The following MGAT4C variants were observed in gnomAD, a reference collection of about 807,000 sequenced individuals.
The protein encoded by MGAT4C is alpha-1,3-mannosyl-glycoprotein 4-beta-N-acetylglucosaminyltransferase C.
Under a neutral mutation model 40.1 loss-of-function variants are expected in MGAT4C, and 19 were observed. The ratio of observed to expected loss-of-function variants is 0.47; its 90% CI spans 0.33 to 0.70. The LOEUF (loss-of-function observed/expected upper bound fraction) is 0.70. MGAT4C is among the 30% of genes least tolerant of loss of function. The pLI, the probability that MGAT4C is intolerant of heterozygous loss-of-function variation, is 0.02. For synonymous variants in MGAT4C, 181 were observed against 187.1 expected, an observed-to-expected ratio of 0.97 and a Z score of 0.27; for missense variants, 491 against 563.2, an observed-to-expected ratio of 0.87 and a Z score of 1.30.
intron 2 of MGAT4C, among the ~76,000 whole-genome samples, chr12:86,010,617 G>T (rs1253816240): frequency 2.0e-5 from 3 of 152,188 alleles, no homozygotes; most frequent in Non-Finnish European, 4.4e-5. Context: ...GGCGGAGGTT[G>T]CAGTGAGCTG....
intron 2 of MGAT4C, among the ~76,000 whole-genome samples, chr12:86,517,956 G>GT (rs1194150568): frequency 8.5e-5 from 13 of 152,148 alleles, no homozygotes; most frequent in South Asian, 8.3e-4. Context: ...CCGACTTTGT[G>GT]TTTTTTTATG....
intron 1 of MGAT4C, among the ~76,000 whole-genome samples, chr12:86,172,646 G>C (rs1365439767): frequency 1.3e-5 from 2 of 151,982 alleles, no homozygotes; most frequent in African/African-American, 4.8e-5. Flanking sequence ...TTGAATTATG[G>C]TGTTTATTCA....
chr12:86,033,725 C>A (rs1890970216), intron 2 of MGAT4C, among the ~76,000 whole-genome samples: 1 of 149,332 alleles, frequency 6.7e-6, no homozygotes, highest in East Asian at 1.9e-4. Flanking sequence ...TCCTCTCTTT[C>A]AATTACTATG....
chr12:86,314,873 C>T (rs1272739550), intron 4 of MGAT4C, among the ~76,000 whole-genome samples: 1 of 152,026 alleles, frequency 6.6e-6, no homozygotes, highest in East Asian at 1.9e-4. Flanking sequence ...AAAAACATTC[C>T]ATGCTCATAA....
intron 3 of MGAT4C, among the ~76,000 whole-genome samples, chr12:86,344,221 A>T (rs1169941361): frequency 1.3e-5 from 2 of 152,206 alleles, no homozygotes; most frequent in Non-Finnish European, 2.9e-5. Context: ...GTATGGATGG[A>T]CTCAATACAT....
chr12:86,143,050 GA>G (rs1883053765), intron 1 of MGAT4C, among the ~76,000 whole-genome samples: 1 of 152,158 alleles, frequency 6.6e-6, no homozygotes, highest in Admixed American at 6.5e-5. Context: ...GCCAGAAACA[GA>G]ACCCTTACCA....
At chr12:85,982,436 G>T (rs959902471) in intron 4 of MGAT4C, among the ~76,000 whole-genome samples, 4 of 152,138 alleles carry the variant, frequency 2.6e-5, no homozygotes, top group African/African-American at 9.7e-5. Flanking sequence ...TGATACACTT[G>T]CCTTGGCCTC....
chr12:86,640,303 A>G (rs1307966307), intron 2 of MGAT4C, among the ~76,000 whole-genome samples: 1 of 151,830 alleles, frequency 6.6e-6, no homozygotes, highest in African/African-American at 2.4e-5. Context: ...ATAGTTTGCT[A>G]TGGTAATAAG....
chr12:86,814,178 C>T (rs527731783), intron 1 of MGAT4C, among the ~76,000 whole-genome samples: 7 of 151,712 alleles, frequency 4.6e-5, no homozygotes, highest in African/African-American at 1.7e-4. Context: ...GCACTGTTAT[C>T]TCCCATGGCT....
chr12:86,259,397 A>G (rs987326349), upstream of MGAT4C, among the ~76,000 whole-genome samples: 3 of 152,192 alleles, frequency 2.0e-5, no homozygotes, highest in Non-Finnish European at 4.4e-5. Context: ...TACTATACTA[A>G]AATAATATTA....
At chr12:86,397,878 G>A (rs1956288631) in intron 3 of MGAT4C, among the ~76,000 whole-genome samples, 1 of 152,150 alleles carries the variant, frequency 6.6e-6, no homozygotes, top group Non-Finnish European at 1.5e-5. Flanking sequence ...TGAGAGGATG[G>A]CATGAGCCCA....
At chr12:86,149,817 TG>T (rs1446952186) in intron 1 of MGAT4C, among the ~76,000 whole-genome samples, 6 of 152,182 alleles carry the variant, frequency 3.9e-5, no homozygotes, top group Non-Finnish European at 7.3e-5. Context: ...AGAACTACCA[TG>T]GTTCTCAATA....
intron 1 of MGAT4C, among the ~76,000 whole-genome samples, chr12:86,186,098 G>A (rs1888724017): frequency 6.6e-6 from 1 of 152,100 alleles, no homozygotes; most frequent in African/African-American, 2.4e-5. Context: ...GAGAGAGAAG[G>A]ATACAGAAAG....
intron 1 of MGAT4C, among the ~76,000 whole-genome samples, chr12:86,826,727 C>A (rs1240299022): frequency 1.3e-5 from 2 of 150,920 alleles, no homozygotes; most frequent in Non-Finnish European, 3.0e-5. Context: ...CTCCTTAGGC[C>A]AATATGTTAT....
At chr12:86,276,237 T>C (rs1213451791) in intron 4 of MGAT4C, among the ~76,000 whole-genome samples, 1 of 152,176 alleles carries the variant, frequency 6.6e-6, no homozygotes, top group Non-Finnish European at 1.5e-5. Flanking sequence ...GCTATTATTA[T>C]TGAAAAATAT....
At chr12:86,636,100 A>T (rs2406335) in intron 2 of MGAT4C, among the ~76,000 whole-genome samples, 145,294 of 152,068 alleles carry the variant, frequency 0.96, 69,653 homozygotes, top group Non-Finnish European at 1. Context: ...CAATAGGCTA[A>T]ACCATATAGC....
chr12:86,378,588 A>T (rs950706946), intron 3 of MGAT4C, among the ~76,000 whole-genome samples: 1 of 152,160 alleles, frequency 6.6e-6, no homozygotes, highest in Non-Finnish European at 1.5e-5. Flanking sequence ...AGGACTGGGG[A>T]TAAGCAGTTC....
Position 86,339,004 on chromosome 12 carries a change from C to T in MGAT4C, c.-119-4877G>A, listed in dbSNP as rs554891894. Among the ~76,000 whole-genome samples the T allele has an allele frequency of 4.1e-5, 6 of 145,660 alleles. No homozygotes were observed. The South Asian group carries it at 1.3e-3, about 32-fold the overall frequency. Reference sequence around the variant, plus strand: ...AAAACAGAGAGAAAGAGAGAAAGAGCTAATATTTATTTGAGCACATTTATC... The same window carrying T: ...AAAACAGAGAGAAAGAGAGAAAGAGTTAATATTTATTTGAGCACATTTATC... On this transcript the variant is annotated intron_variant, in intron 3 of 7. Coordinates refer to the MGAT4C transcript ENST00000548651.
chr12:86,251,511 G>C (rs1287708800), intron 1 of MGAT4C, among the ~76,000 whole-genome samples: 1 of 151,946 alleles, frequency 6.6e-6, no homozygotes, highest in Non-Finnish European at 1.5e-5. Flanking sequence ...TTCTTGCTCT[G>C]CTGAGAAAAA....
Sources: gnomAD v4.1 joint callset for allele counts (sites outside exome capture counted in the v4.1 genomes callset) on GRCh38, gnomAD v4.1.1 for gene constraint, MANE v1.5 for transcripts, NCBI Gene and HGNC (gene_info 2026-07-23, HGNC 2026-07-21) for gene names.